The following GDF6 variants were observed in gnomAD, a reference collection of about 807,000 sequenced individuals.
GDF6 encodes the protein growth/differentiation factor 6.
A neutral mutation model predicts 32.4 loss-of-function variants in GDF6; 3 were observed. The ratio of observed to expected loss-of-function variants is 0.09; its 90% CI spans 0.04 to 0.24. The LOEUF is 0.24. Among genes scored for constraint, GDF6 ranks in the 10% least tolerant of loss-of-function variants. The probability of loss-of-function intolerance (pLI) is 1.00; values close to 1 mark genes in which losing one functional copy is unlikely to be tolerated. For missense variants in GDF6, 589 were observed against 637.9 expected (o/e 0.92, Z 0.83); for synonymous variants, 296 against 295.3 (o/e 1.00, Z -0.03).
rs1185163222 is a variant in GDF6 at position 96,142,731 on chromosome 8, A to G, written c.*1832T>C. On this transcript the variant is annotated 3_prime_UTR_variant, in exon 2 of 2. Coordinates refer to ENST00000287020, the MANE Select transcript of GDF6 (RefSeq NM_001001557.4). ...AAATATATACAGCCTTAACAGAACA[A>G]CAGTGCATCCAAAGCAAATGTGCAT... 5 of 152,648 alleles carry G rather than the reference A, an allele frequency of 3.3e-5. No individual in the cohort carries two copies. Among genetic ancestry groups the G allele is most frequent in the Admixed American group, 1.3e-4 (2 of 15,288 alleles). 9.5% of individuals were successfully genotyped at this position (152,648 alleles called of 1,614,324 possible). A position where few individuals can be genotyped will look rare whatever the true frequency, so the allele number is the denominator to read the frequency against.
chr8:96,153,124 TG>T (rs1251976359), intron 1 of GDF6, among the ~76,000 whole-genome samples: 1 of 152,250 alleles, frequency 6.6e-6, no homozygotes, highest in Non-Finnish European at 1.5e-5. Flanking sequence ...CAGTGCTGGC[TG>T]GGGAGAAGCC....
intron 1 of GDF6, among the ~76,000 whole-genome samples, chr8:96,146,570 C>T (rs1037916653): frequency 6.6e-6 from 1 of 151,982 alleles, no homozygotes; most frequent in Admixed American, 6.6e-5. Flanking sequence ...AATGAACAAA[C>T]ACACACACCT....
chr8:96,151,591 C>G (rs1360358853), intron 1 of GDF6, among the ~76,000 whole-genome samples: 2 of 152,160 alleles, frequency 1.3e-5, no homozygotes, highest in Admixed American at 1.3e-4. Flanking sequence ...GAGTCACTCA[C>G]TTCAGCAGAA....
At chr8:96,154,507 AG>A (rs1469670565) in intron 1 of GDF6, among the ~76,000 whole-genome samples, 2 of 150,892 alleles carry the variant, frequency 1.3e-5, no homozygotes, top group Non-Finnish European at 3.0e-5. Context: ...ATAAACAGCC[AG>A]GCCTTGGGGT....
intron 1 of GDF6, among the ~76,000 whole-genome samples, chr8:96,155,007 T>G (rs1812635623): frequency 6.6e-6 from 1 of 152,132 alleles, no homozygotes; most frequent in African/African-American, 2.4e-5. Context: ...CAAGTCCTGA[T>G]TCAATTGGGG....
rs1458616787 is a variant in GDF6, at chr8:96,145,458, TTGTC to T, written c.469_472del (p.Asp157LysfsTer204). 1.3e-6 allele frequency: 2 copies of T among 1,597,742 alleles called. No homozygotes were observed. Among genetic ancestry groups the T allele is most frequent in the Non-Finnish European group, 1.7e-6 (2 of 1,179,590 alleles). ...CAGCTCCGCGCCCACCAGCTCTTCTTTGTCTGAGAGCATGGACACATCAAACAAA... is the reference window on the plus strand; with the variant it reads ...CAGCTCCGCGCCCACCAGCTCTTCTTTGAGAGCATGGACACATCAAACAAA... On this transcript the variant is annotated frameshift_variant, in exon 2 of 2. Transcript: ENST00000287020. LOFTEE classifies it high-confidence loss of function. This position sits in a 1 kb window ranked among gnomAD's most constrained non-coding sequence, Gnocchi z 5.6.
chr8:96,160,159 T>C, intron 1 of GDF6, 128 bp downstream of exon 1: 1 of 1,020,044 alleles, frequency 9.8e-7, no homozygotes, highest in Non-Finnish European at 1.6e-6. Context: ...AGAAAAACAA[T>C]TTAAGAAAAG....
chr8:96,149,567 T>C (rs1812534524), intron 1 of GDF6, among the ~76,000 whole-genome samples: 1 of 152,108 alleles, frequency 6.6e-6, no homozygotes. Flanking sequence ...ATATTTCTGG[T>C]GTAGAATTTA....
Position 96,144,248 on chromosome 8 carries a change from G to GAGAGAGAGAGAGAGAGAGAC in GDF6, c.*314_*315insGTCTCTCTCTCTCTCTCTCT, listed in dbSNP as rs1812420676. ...GGAAATCCAAAGCCACAGTAATAGA[G>GAGAGAGAGAGAGAGAGAGAC]AGAGAGAGAGAGAGAGAGAGAGAGA... On this transcript the variant is annotated 3_prime_UTR_variant, in exon 2 of 2. Transcript: ENST00000287020. The surrounding 1 kb of genome is among the most constrained non-coding windows in gnomAD (Gnocchi z 5.1). 8 of 158,638 alleles carry GAGAGAGAGAGAGAGAGAGAC rather than the reference G, an allele frequency of 5.0e-5. No homozygotes were observed. The highest frequency in any genetic ancestry group is 2.9e-4 in the African/African-American group (8 of 27,562). The allele number at this position is 158,638 out of a possible 1,614,324, so 9.8% of individuals were successfully genotyped here. A position where few individuals can be genotyped will look rare whatever the true frequency, so the allele number is the denominator to read the frequency against.
chr8:96,144,248 G>T lies in GDF6; in HGVS notation c.*315C>A, dbSNP rs1158036490. The T allele has an allele frequency of 3.5e-4, 55 of 158,642 alleles. No homozygotes were observed. The highest frequency in any genetic ancestry group is 1.7e-3 in the African/African-American group (46 of 27,566). The allele number at this position is 158,642 out of a possible 1,614,324, so 9.8% of individuals were successfully genotyped here. On this transcript the variant is annotated 3_prime_UTR_variant, in exon 2 of 2. Coordinates refer to ENST00000287020, the MANE Select transcript of GDF6 (RefSeq NM_001001557.4). The surrounding 1 kb of genome is among the most constrained non-coding windows in gnomAD (Gnocchi z 5.1). ...GGAAATCCAAAGCCACAGTAATAGA[G>T]AGAGAGAGAGAGAGAGAGAGAGAGA...
At position 96,144,458 on chromosome 8, in the gene GDF6, C is replaced by A; in HGVS notation, c.*105G>T. 3 of 1,406,676 alleles carry A rather than the reference C, an allele frequency of 2.1e-6. No homozygotes were observed. The highest frequency in any genetic ancestry group is 2.9e-6 in the Non-Finnish European group (3 of 1,034,982). 87.1% of individuals were successfully genotyped at this position (1,406,676 alleles called of 1,614,324 possible). Reference sequence around the variant, plus strand: ...CAGGCTGTTCCCTCACCCTCAGCCTCCCCCAGCGCCAGCTTCCTCCTCCGC... The same window carrying A: ...CAGGCTGTTCCCTCACCCTCAGCCTACCCCAGCGCCAGCTTCCTCCTCCGC... On this transcript the variant is annotated 3_prime_UTR_variant, in exon 2 of 2. Transcript: ENST00000287020. This position sits in a 1 kb window ranked among gnomAD's most constrained non-coding sequence, Gnocchi z 5.1.
intron 1 of GDF6, among the ~76,000 whole-genome samples, chr8:96,156,316 C>T (rs1319503730): frequency 6.6e-6 from 1 of 151,968 alleles, no homozygotes; most frequent in Non-Finnish European, 1.5e-5. Flanking sequence ...AATTATGTGG[C>T]ACCTTTCCCT....
chr8:96,151,730 T>G (rs1420185512), intron 1 of GDF6, among the ~76,000 whole-genome samples: 2 of 152,212 alleles, frequency 1.3e-5, no homozygotes, highest in Non-Finnish European at 2.9e-5. Flanking sequence ...GACTTCTGAA[T>G]GCAAATGTCA....
Position 96,144,309 on chromosome 8 carries a change from T to C in GDF6, c.*254A>G. 2.6e-6 allele frequency: 1 copy of C among 379,954 alleles called. No individual in the cohort carries two copies. The highest frequency in any genetic ancestry group is 4.8e-6 in the Non-Finnish European group (1 of 208,780). The allele number at this position is 379,954 out of a possible 1,614,324, so 23.5% of individuals were successfully genotyped here. Reference sequence around the variant, plus strand: ...GAGAGAGAAAACAGAACAAAAGAAATCCTCCTTGGCTTGTTTTTCCAGGGT... The same window carrying C: ...GAGAGAGAAAACAGAACAAAAGAAACCCTCCTTGGCTTGTTTTTCCAGGGT... On this transcript the variant is annotated 3_prime_UTR_variant, in exon 2 of 2. Transcript: ENST00000287020. This position sits in a 1 kb window ranked among gnomAD's most constrained non-coding sequence, Gnocchi z 5.1.
At chr8:96,149,582 A>G (rs1176994187) in intron 1 of GDF6, among the ~76,000 whole-genome samples, 3 of 152,210 alleles carry the variant, frequency 2.0e-5, no homozygotes, top group Non-Finnish European at 4.4e-5. Flanking sequence ...AATTTAGGAA[A>G]AATTTAAAAG....
rs367883918 is a variant in GDF6 at position 96,160,412 on chromosome 8, G to C, written c.281C>G (p.Pro94Arg). 4.2e-5 allele frequency: 68 copies of C among 1,614,146 alleles called. No individual in the cohort carries two copies. The highest frequency in any genetic ancestry group is 5.7e-5 in the Non-Finnish European group (67 of 1,179,994). Residue 94 changes from proline (P) to arginine (R), a missense_variant, in exon 1 of 2, where the codon CCC (proline) becomes CGC (arginine). Pro to Arg is a moderately radical substitution (Grantham distance 103). Transcript: ENST00000287020. ...GTAGATTGACAGCATGTACTCGTGG[G>C]GCACCACGCGCGGACCCCTGCCTGG... Reference protein sequence around the residue: ...EPPGRGPRVVPHEYMLSIYRT... With the variant: ...EPPGRGPRVVRHEYMLSIYRT...
rs114060293 is a variant in GDF6 at position 96,142,368 on chromosome 8, G to C, written c.*2195C>G. ...AAATGCGTTTAATAATATAGCATTCGATTGCATATCATCCAGGAAAGGTGT... is the reference window on the plus strand; with the variant it reads ...AAATGCGTTTAATAATATAGCATTCCATTGCATATCATCCAGGAAAGGTGT... On this transcript the variant is annotated 3_prime_UTR_variant, in exon 2 of 2. Coordinates refer to ENST00000287020, the MANE Select transcript of GDF6 (RefSeq NM_001001557.4). The C allele has an allele frequency of 6.6e-6, 1 of 152,064 alleles. No individual in the cohort carries two copies. The highest frequency in any genetic ancestry group is 1.5e-5 in the Non-Finnish European group (1 of 68,010). 9.4% of individuals were successfully genotyped at this position (152,064 alleles called of 1,614,324 possible).
rs1211523274 is a variant in GDF6, at chr8:96,160,763, T to TGGACAGCGGCC, written c.-82_-72dup. ...CAGGACGCGCGGGGCACGGAGCGGC[T>TGGACAGCGGCC]GGACAGCGGCCGGGGCCCGGCTCCT... On this transcript the variant is annotated 5_prime_UTR_variant, in exon 1 of 2. Coordinates refer to ENST00000287020, the MANE Select transcript of GDF6 (RefSeq NM_001001557.4). 3 of 1,517,688 alleles carry TGGACAGCGGCC rather than the reference T, an allele frequency of 2.0e-6. No individual in the cohort carries two copies. The highest frequency in any genetic ancestry group is 2.7e-6 in the Non-Finnish European group (3 of 1,108,288). 94.0% of individuals were successfully genotyped at this position (1,517,688 alleles called of 1,614,324 possible).
rs529991782 is a variant in GDF6 at position 96,159,621 on chromosome 8, C to T, written c.406+666G>A. 1.4e-4 allele frequency among the ~76,000 whole-genome samples: 21 copies of T among 152,364 alleles called. No individual in the cohort carries two copies. The East Asian group carries it at 2.9e-3, about 21-fold the overall frequency. ...TCCCGGCCCGCCCAACTGCTGCCGC[C>T]GCATCTGCAGAAACCACTCGTGTTG... On this transcript the variant is annotated intron_variant, in intron 1 of 1. Coordinates refer to ENST00000287020, the MANE Select transcript of GDF6 (RefSeq NM_001001557.4).
Sources: gnomAD v4.1 joint callset for allele counts (sites outside exome capture counted in the v4.1 genomes callset) on GRCh38, gnomAD v4.1.1 for gene constraint, Gnocchi (gnomAD v3.1) non-coding constraint, MANE v1.5 for transcripts, NCBI Gene and HGNC (gene_info 2026-07-23, HGNC 2026-07-21) for gene names.